Variants in NRG2 observed in about 807,000 individuals in gnomAD.
The protein encoded by NRG2 is neuregulin 2, also known as pro-neuregulin-2, membrane-bound isoform.
Under a neutral mutation model 73.9 loss-of-function variants are expected in NRG2, and 27 were observed. The observed-to-expected ratio is 0.37, with a 90% CI of 0.27 to 0.50. The LOEUF is 0.50. Ranked by LOEUF, NRG2 falls within the 20% of genes least tolerant of loss-of-function variation. The pLI, the probability that NRG2 is intolerant of heterozygous loss-of-function variation, is 0.96. For synonymous variants in NRG2, 532 were observed against 541.0 expected (o/e 0.98, Z 0.23); for missense variants, 1,126 against 1,210.1 (o/e 0.93, Z 1.03).
intron 1 of NRG2, among the ~76,000 whole-genome samples, chr5:139,979,180 A>G (rs1050287420): frequency 6.6e-6 from 1 of 152,116 alleles, no homozygotes; most frequent in Non-Finnish European, 1.5e-5. Flanking sequence ...GCACATATAC[A>G]TATGTAACAA....
In NRG2 at chr5:139,868,092, G is replaced by A. The variant is rs1762605471; in HGVS notation, c.1113-2467C>T. 2.0e-5 allele frequency among the ~76,000 whole-genome samples: 3 copies of A among 151,994 alleles called. No individual in the cohort carries two copies. The highest frequency in any genetic ancestry group is 6.6e-5 in the Admixed American group (1 of 15,262). ...CCTTCCTTGAGAAAATGTGCTCCCC[G>A]CTGGCTGAACAAAACAAAAGGCACT... On this transcript the variant is annotated intron_variant, in intron 4 of 9. Transcript: ENST00000361474. This position sits in a 1 kb window ranked among gnomAD's most constrained non-coding sequence, Gnocchi z 4.2.
intron 3 of NRG2, among the ~76,000 whole-genome samples, chr5:139,872,339 G>A (rs1762915805): frequency 6.6e-6 from 1 of 152,188 alleles, no homozygotes; most frequent in African/African-American, 2.4e-5. Context: ...GGGCCTTCAG[G>A]GGATGGCACC....
At chr5:139,922,070 CAAAAAAA>C (rs35988908) in intron 1 of NRG2, among the ~76,000 whole-genome samples, 6 of 77,204 alleles carry the variant, frequency 7.8e-5, no homozygotes, top group South Asian at 4.1e-4. Context: ...GATTCTGTCT[CAAAAAAA>C]AAAAAAAAAA....
chr5:139,881,552 C>T (rs747880434), intron 2 of NRG2, among the ~76,000 whole-genome samples: 2 of 152,182 alleles, frequency 1.3e-5, no homozygotes, highest in Admixed American at 1.3e-4. Context: ...ATTCATTCAA[C>T]AAATGTTTAC....
At chr5:140,036,974 C>T (rs1043346785) in intron 1 of NRG2, among the ~76,000 whole-genome samples, 1 of 152,170 alleles carries the variant, frequency 6.6e-6, no homozygotes, top group Non-Finnish European at 1.5e-5. Flanking sequence ...CCTATGTATC[C>T]AAATGGCAAT....
intron 1 of NRG2, among the ~76,000 whole-genome samples, chr5:139,966,175 T>C (rs1020399834): frequency 2.0e-5 from 3 of 152,100 alleles, no homozygotes; most frequent in African/African-American, 7.2e-5. Flanking sequence ...CTATGCTCCA[T>C]TGCCAACGAA....
In NRG2 at chr5:139,852,682, G is replaced by A. The variant is rs1420795639; in HGVS notation, c.1417-123C>T. ...GGTTGGGGAGACCCACTGTGTGAGA[G>A]TGACTTGATGTTGGGGCAGCGATGG... On this transcript the variant is annotated intron_variant, in intron 7 of 9. Transcript: ENST00000361474. This position sits in a 1 kb window ranked among gnomAD's most constrained non-coding sequence, Gnocchi z 4.4. 2 of 1,460,068 alleles carry A rather than the reference G, an allele frequency of 1.4e-6. No individual in the cohort carries two copies. The highest frequency in any genetic ancestry group is 1.9e-6 in the Non-Finnish European group (2 of 1,072,894). The allele number at this position is 1,460,068 out of a possible 1,614,324, so 90.4% of individuals were successfully genotyped here. A position where few individuals can be genotyped will look rare whatever the true frequency, so the allele number is the denominator to read the frequency against.
At chr5:139,861,601 G>T (rs1762147416) in intron 5 of NRG2, 1 of 437,192 alleles carries the variant, frequency 2.3e-6, no homozygotes, top group Admixed American at 2.4e-5. Flanking sequence ...TTAAATCCCA[G>T]GTTGGGGAGT....
At chr5:139,859,709 C>T (rs1227365381) in intron 5 of NRG2, among the ~76,000 whole-genome samples, 1 of 152,186 alleles carries the variant, frequency 6.6e-6, no homozygotes, top group African/African-American at 2.4e-5. Flanking sequence ...GAGCTTCTTT[C>T]GTCTCCTGCT....
At chr5:140,039,402 A>G (rs1301278962) in intron 1 of NRG2, among the ~76,000 whole-genome samples, 1 of 152,198 alleles carries the variant, frequency 6.6e-6, no homozygotes. Context: ...CATACAATGC[A>G]ATCTTCTAAG....
chr5:139,957,002 T>C (rs1401730587), intron 1 of NRG2, among the ~76,000 whole-genome samples: 1 of 152,110 alleles, frequency 6.6e-6, no homozygotes, highest in African/African-American at 2.4e-5. Context: ...ATCAGCACTT[T>C]GAAAGGAACA....
At chr5:139,912,665 G>C (rs1404282547) in intron 1 of NRG2, among the ~76,000 whole-genome samples, 2 of 152,160 alleles carry the variant, frequency 1.3e-5, no homozygotes, top group Non-Finnish European at 2.9e-5. Flanking sequence ...AAGACTGCTG[G>C]CTCTTGGGGT....
At chr5:140,012,740 T>C (rs1759461566) in intron 1 of NRG2, among the ~76,000 whole-genome samples, 1 of 152,236 alleles carries the variant, frequency 6.6e-6, no homozygotes, top group Admixed American at 6.5e-5. Flanking sequence ...TTTTTACTGA[T>C]TCTCACAGTG....
At chr5:140,030,959 C>T (rs1761095026) in intron 1 of NRG2, among the ~76,000 whole-genome samples, 1 of 152,030 alleles carries the variant, frequency 6.6e-6, no homozygotes, top group African/African-American at 2.4e-5. Context: ...AAAATGAGAC[C>T]TAGAATTATG....
intron 1 of NRG2, among the ~76,000 whole-genome samples, chr5:139,978,179 T>C (rs1349829545): frequency 1.3e-5 from 2 of 152,064 alleles, no homozygotes; most frequent in African/African-American, 2.4e-5. Flanking sequence ...GGGAGAAAAT[T>C]TTTGCAATCT....
In NRG2 at chr5:139,851,809, G is replaced by T. The variant is rs1346000216; in HGVS notation, c.1567C>A (p.Leu523Met). ...SHRHESHTWS[L>M]ERSESLTSDS... ...GAAGTCAGGCTCTCAGAACGTTCCA[G>T]GCTCCACGTGTGGCTCTCGTGTCTG... Residue 523 changes from leucine (L) to methionine (M), a missense_variant, in exon 9 of 10, where the codon CTG becomes ATG. Physicochemically the swap from Leu to Met is conservative, Grantham distance 15 (BLOSUM62 2). Around this residue, in one of 3 missense-constraint regions of NRG2, gnomAD observed 539 missense variants for 703.2 expected, o/e 0.77. Transcript: ENST00000361474. This position sits in a 1 kb window ranked among gnomAD's most constrained non-coding sequence, Gnocchi z 4.2. 6.2e-7 allele frequency: 1 copy of T among 1,614,198 alleles called. No homozygotes were observed. Among genetic ancestry groups the T allele is most frequent in the East Asian group, 2.2e-5 (1 of 44,880 alleles).
intron 1 of NRG2, among the ~76,000 whole-genome samples, chr5:139,934,222 T>G (rs1752682802): frequency 6.6e-6 from 1 of 152,034 alleles, no homozygotes; most frequent in African/African-American, 2.4e-5. Context: ...AAGAAAACAT[T>G]TAGAAAATCC....
At chr5:140,000,783 G>A (rs140555717) in intron 1 of NRG2, among the ~76,000 whole-genome samples, 3 of 152,204 alleles carry the variant, frequency 2.0e-5, no homozygotes, top group East Asian at 1.9e-4. Flanking sequence ...GCAGAGGAGC[G>A]GCCATAGATT....
chr5:139,905,684 G>T (rs1333082013), intron 1 of NRG2, among the ~76,000 whole-genome samples: 5 of 126,372 alleles, frequency 4.0e-5, no homozygotes, highest in Admixed American at 1.5e-4. Context: ...CAGCTCTGGT[G>T]GGGGGGGGGC....
Sources: gnomAD v4.1 joint callset for allele counts (sites outside exome capture counted in the v4.1 genomes callset) on GRCh38, gnomAD v4.1.1 for gene constraint, gnomAD v4.1.1 regional missense constraint, Gnocchi (gnomAD v3.1) non-coding constraint, MANE v1.5 for transcripts, NCBI Gene and HGNC (gene_info 2026-07-23, HGNC 2026-07-21) for gene names.